The following STAB2 variants were observed in gnomAD, a reference collection of about 807,000 sequenced individuals.
STAB2 encodes stabilin-2.
Under a neutral mutation model 338.1 loss-of-function variants are expected in STAB2, and 288 were observed. The ratio of observed to expected loss-of-function variants is 0.85; its 90% CI spans 0.77 to 0.94. The LOEUF is 0.94. Among genes scored for constraint, STAB2 ranks in the 40% least tolerant of loss-of-function variants. STAB2 has a pLI of 0.00. For synonymous variants in STAB2, 1,202 were observed against 1,193.3 expected, an observed-to-expected ratio of 1.01 and a Z score of -0.15; for missense variants, 3,141 against 3,210.1, an observed-to-expected ratio of 0.98 and a Z score of 0.52.
intron 18 of STAB2, among the ~76,000 whole-genome samples, chr12:103,665,878 G>A (rs890849277): frequency 2.6e-5 from 4 of 152,210 alleles, no homozygotes; most frequent in African/African-American, 9.7e-5. Context: ...TTGCTGCTAA[G>A]CTAATTGGAG....
chr12:103,733,217 T>C, intron 51 of STAB2, 35 bp downstream of exon 51: 1 of 1,602,378 alleles, frequency 6.2e-7, no homozygotes. Flanking sequence ...AGTGCAAGAA[T>C]GTCCCAGGGT....
At chr12:103,685,943 C>T (rs1877392315) in intron 27 of STAB2, among the ~76,000 whole-genome samples, 1 of 151,944 alleles carries the variant, frequency 6.6e-6, no homozygotes, top group South Asian at 2.1e-4. Flanking sequence ...CTCTGGTAGC[C>T]ACGAATCCAC....
chr12:103,753,383 G>C (rs1401013546), intron 61 of STAB2, 30 bp downstream of exon 61: 20 of 1,613,818 alleles, frequency 1.2e-5, no homozygotes, highest in Non-Finnish European at 1.6e-5. Context: ...ATTCTGTGCA[G>C]ACAGAGTCTG....
intron 3 of STAB2, among the ~76,000 whole-genome samples, chr12:103,606,536 G>C (rs943190031): frequency 3.9e-5 from 6 of 152,048 alleles, no homozygotes; most frequent in African/African-American, 1.4e-4. Flanking sequence ...AGGATATCTA[G>C]TGATTAATTC....
Position 103,725,174 on chromosome 12 carries a change from A to T in STAB2, c.4803+80A>T. The T allele has an allele frequency of 1.9e-6, 3 of 1,556,414 alleles. No homozygotes were observed. In the East Asian group the frequency reaches 6.8e-5, roughly 35 times the overall value. ...AATCCAGGTAGCTAAGGAGTATTTA[A>T]GAGCTTGGTGAAATGTAAAGCGCTA... On this transcript the variant is annotated intron_variant, in intron 45 of 68. Coordinates refer to ENST00000388887, the MANE Select transcript of STAB2 (RefSeq NM_017564.10).
intron 3 of STAB2, among the ~76,000 whole-genome samples, chr12:103,613,849 T>C (rs942472445): frequency 1.3e-5 from 2 of 152,208 alleles, no homozygotes; most frequent in Non-Finnish European, 2.9e-5. Flanking sequence ...TCATTTTGTA[T>C]AGTTAATACT....
intron 9 of STAB2, among the ~76,000 whole-genome samples, chr12:103,642,231 C>G (rs1197644070): frequency 6.6e-6 from 1 of 152,204 alleles, no homozygotes; most frequent in Non-Finnish European, 1.5e-5. Context: ...GAACAAATAA[C>G]TTTATGCTTT....
chr12:103,747,995 C>CAAA (rs57369480), intron 58 of STAB2, among the ~76,000 whole-genome samples: 12 of 96,732 alleles, frequency 1.2e-4, no homozygotes, highest in African/African-American at 4.2e-4. Context: ...ACTCTGTCTC[C>CAAA]AAAAAAAAAA....
At chr12:103,690,945 T>A (rs1376572414) in intron 30 of STAB2, among the ~76,000 whole-genome samples, 1 of 152,256 alleles carries the variant, frequency 6.6e-6, no homozygotes, top group African/African-American at 2.4e-5. Flanking sequence ...TACTCAATCT[T>A]TATAGAATTA....
At chr12:103,606,572 G>A (rs1266094726) in intron 3 of STAB2, among the ~76,000 whole-genome samples, 1 of 152,006 alleles carries the variant, frequency 6.6e-6, no homozygotes, top group East Asian at 1.9e-4. Context: ...GTCTGAAAAA[G>A]TCCTTATCTT....
rs750101320 is a variant in STAB2, at chr12:103,620,503, A to G, written c.367A>G (p.Arg123Gly). 2.5e-6 allele frequency: 4 copies of G among 1,584,590 alleles called. No homozygotes were observed. In the East Asian group the frequency reaches 9.2e-5, roughly 36 times the overall value. Residue 123 changes from arginine to glycine, a missense_variant, in exon 4 of 69, where the codon AGA becomes GGA. Transcript: ENST00000388887. ...TGGAGCGGGGTCACCCTGCAATGGCAGAGGCAGTTGTGCTGAAGGCATGGA... is the reference window on the plus strand; with the variant it reads ...TGGAGCGGGGTCACCCTGCAATGGCGGAGGCAGTTGTGCTGAAGGCATGGA... Reference protein sequence around the residue: ...PGGAGSPCNGRGSCAEGMEGN... With the variant: ...PGGAGSPCNGGGSCAEGMEGN...
At position 103,655,611 on chromosome 12, in the gene STAB2, C is replaced by G. The variant is rs532341052; in HGVS notation, c.1734+30C>G. 59 of 1,611,690 alleles carry G rather than the reference C, an allele frequency of 3.7e-5. 4 individuals carry two copies. The highest frequency in any genetic ancestry group is 1.7e-4 in the Middle Eastern group (1 of 6,054). On this transcript the variant is annotated intron_variant, in intron 15 of 68. Coordinates refer to ENST00000388887, the MANE Select transcript of STAB2 (RefSeq NM_017564.10). ...CGTATTCTGCTTGCTCTGATGGCAT[C>G]GTGTCAGCAGCACTGCCTCAGTCTG...
rs1593172019 is a variant in STAB2 at position 103,640,375 on chromosome 12, C to A, written c.1040+119C>A. 13 of 1,295,936 alleles carry A rather than the reference C, an allele frequency of 1.0e-5. No homozygotes were observed. In the East Asian group the frequency reaches 3.1e-4, roughly 30 times the overall value. The allele number at this position is 1,295,936 out of a possible 1,614,324, so 80.3% of individuals were successfully genotyped here. ...TTATTCAGCCTTGCATCCACCCCCACCCCACATAGTAGGAGCAAGGATTGT... is the reference window on the plus strand; with the variant it reads ...TTATTCAGCCTTGCATCCACCCCCAACCCACATAGTAGGAGCAAGGATTGT... On this transcript the variant is annotated intron_variant, in intron 9 of 68. Transcript: ENST00000388887.
At chr12:103,623,111 C>T (rs1453900615) in intron 5 of STAB2, among the ~76,000 whole-genome samples, 2 of 152,134 alleles carry the variant, frequency 1.3e-5, no homozygotes, top group Non-Finnish European at 2.9e-5. Context: ...CCAGGAAACA[C>T]GAGGATGTGA....
intron 43 of STAB2, among the ~76,000 whole-genome samples, chr12:103,716,496 C>T (rs1485289892): frequency 1.3e-5 from 2 of 152,198 alleles, no homozygotes; most frequent in Non-Finnish European, 2.9e-5. Flanking sequence ...CAGGAAATCA[C>T]ATATATCCAA....
In STAB2 at chr12:103,759,120, C is replaced by T; in HGVS notation, c.7108-13C>T. ...CCTTTGAAGAGCATTCTGTGTTTCT[C>T]CTTTTTTCTCAGACCTTGTCTGGGC... On this transcript the variant is annotated splice_polypyrimidine_tract_variant and intron_variant, in intron 64 of 68. Transcript: ENST00000388887. 3 of 1,614,144 alleles carry T rather than the reference C, an allele frequency of 1.9e-6. No individual in the cohort carries two copies. Among genetic ancestry groups the T allele is most frequent in the South Asian group, 1.1e-5 (1 of 91,068 alleles).
At chr12:103,597,186 T>A (rs1176118369) in intron 3 of STAB2, among the ~76,000 whole-genome samples, 1 of 152,136 alleles carries the variant, frequency 6.6e-6, no homozygotes, top group African/African-American at 2.4e-5. Context: ...AGATAAAACC[T>A]CTACTTGGCA....
At chr12:103,610,763 C>G (rs1096552) in intron 3 of STAB2, among the ~76,000 whole-genome samples, 5 of 152,062 alleles carry the variant, frequency 3.3e-5, no homozygotes, top group African/African-American at 1.2e-4. Context: ...TTTTCTAGTT[C>G]TTTTCATTGT....
intron 17 of STAB2, among the ~76,000 whole-genome samples, chr12:103,662,066 T>C (rs562295520): frequency 6.6e-6 from 1 of 152,254 alleles, no homozygotes; most frequent in South Asian, 2.1e-4. Flanking sequence ...AGAATACTGA[T>C]GGTAACTCAG....
Sources: gnomAD v4.1 joint callset for allele counts (sites outside exome capture counted in the v4.1 genomes callset) on GRCh38, gnomAD v4.1.1 for gene constraint, MANE v1.5 for transcripts, NCBI Gene and HGNC (gene_info 2026-07-23, HGNC 2026-07-21) for gene names.